Variants in HIVEP2 observed in about 807,000 individuals in gnomAD.
HIVEP2 encodes the protein HIVEP zinc finger 2.
A neutral mutation model predicts 180.7 loss-of-function variants in HIVEP2; 14 were observed. The ratio of observed to expected loss-of-function variants is 0.08; its 90% CI spans 0.05 to 0.12. HIVEP2 has a LOEUF of 0.12. HIVEP2 is among the 10% of genes least tolerant of loss of function. The probability of loss-of-function intolerance (pLI) is 1.00; values close to 1 mark genes in which losing one functional copy is unlikely to be tolerated. For missense variants in HIVEP2, 2,579 were observed against 3,008.5 expected, an observed-to-expected ratio of 0.86 and a Z score of 3.34; for synonymous variants, 1,184 against 1,136.4, an observed-to-expected ratio of 1.04 and a Z score of -0.84.
intron 1 of HIVEP2, among the ~76,000 whole-genome samples, chr6:142,842,490 G>A (rs1164189981): frequency 6.6e-6 from 1 of 152,078 alleles, no homozygotes; most frequent in Non-Finnish European, 1.5e-5. Flanking sequence ...AGACCTGAAC[G>A]TCTGTGTGTA....
Position 142,771,892 on chromosome 6 carries a change from G to A in HIVEP2, c.2847C>T (p.His949=). The change falls in exon 5 of 10, where the codon CAC becomes CAT. Residue 949 remains histidine, a synonymous_variant. Transcript: ENST00000367603. The surrounding 1 kb of genome is among the most constrained non-coding windows in gnomAD (Gnocchi z 5.4). ...ATTCAAAGCTGGACTCCCCTGAGGA[G>A]TGCTCCATATCTGCAAGTCGCAGAC... is the stretch of plus-strand genomic sequence containing the variant. ...KKRLRLADME[H]SSGESSFEST... 5 of 1,614,228 alleles carry A rather than the reference G, an allele frequency of 3.1e-6. No homozygotes were observed. Among genetic ancestry groups the A allele is most frequent in the Non-Finnish European group, 4.2e-6 (5 of 1,180,050 alleles).
intron 1 of HIVEP2, among the ~76,000 whole-genome samples, chr6:142,841,101 C>T (rs1338523081): frequency 3.3e-5 from 5 of 151,850 alleles, no homozygotes; most frequent in African/African-American, 1.2e-4. Context: ...ACTTAAATGA[C>T]CCTTTATGTA....
At chr6:142,900,392 G>A (rs1046272862) in intron 1 of HIVEP2, among the ~76,000 whole-genome samples, 10 of 152,092 alleles carry the variant, frequency 6.6e-5, no homozygotes, top group Admixed American at 5.9e-4. Flanking sequence ...ATCACTCCAC[G>A]CCACCTCACC....
chr6:142,776,585 C>G (rs550710745), intron 3 of HIVEP2, among the ~76,000 whole-genome samples: 8 of 149,566 alleles, frequency 5.3e-5, no homozygotes, highest in Non-Finnish European at 1.0e-4. Context: ...GGCTGGAGTA[C>G]AGTGGTGCAA....
chr6:142,941,129 A>G (rs1415352102), intron 1 of HIVEP2, among the ~76,000 whole-genome samples: 1 of 152,182 alleles, frequency 6.6e-6, no homozygotes, highest in Non-Finnish European at 1.5e-5. Flanking sequence ...AGTGACCCAA[A>G]TATCAGGCAG....
chr6:142,807,726 G>T (rs1776588182), intron 2 of HIVEP2, among the ~76,000 whole-genome samples: 1 of 152,112 alleles, frequency 6.6e-6, no homozygotes, highest in African/African-American at 2.4e-5. Flanking sequence ...GCAATATTGG[G>T]AGGGACTCTA....
intron 1 of HIVEP2, among the ~76,000 whole-genome samples, chr6:142,857,846 C>T (rs986752641): frequency 3.9e-5 from 6 of 152,130 alleles, no homozygotes; most frequent in East Asian, 3.8e-4. Context: ...GCTTCTCCTG[C>T]GGGCGGGGGG....
At chr6:142,936,117 GA>G (rs201849454) in intron 1 of HIVEP2, among the ~76,000 whole-genome samples, 3 of 148,052 alleles carry the variant, frequency 2.0e-5, no homozygotes, top group African/African-American at 7.4e-5. Flanking sequence ...GTCTCAAGAA[GA>G]AAAAAAAAGG....
At chr6:142,810,895 T>A (rs1776681095) in intron 2 of HIVEP2, among the ~76,000 whole-genome samples, 1 of 151,414 alleles carries the variant, frequency 6.6e-6, no homozygotes, top group African/African-American at 2.4e-5. Flanking sequence ...TTGAAAAAAA[T>A]AATCAGTGGA....
intron 1 of HIVEP2, among the ~76,000 whole-genome samples, chr6:142,927,136 T>C (rs1777838978): frequency 6.6e-6 from 1 of 151,962 alleles, no homozygotes; most frequent in South Asian, 2.1e-4. Flanking sequence ...AGAGCTGCTC[T>C]TCCTCCCGGA....
intron 7 of HIVEP2, 45 bp from the exon 8 acceptor site, chr6:142,761,610 A>G (rs1053175404): frequency 2.0e-6 from 2 of 1,013,610 alleles, no homozygotes; most frequent in Middle Eastern, 2.0e-4. Context: ...TTGGTTATCA[A>G]ATTAATAACT....
intron 1 of HIVEP2, among the ~76,000 whole-genome samples, chr6:142,913,963 A>C (rs1383642231): frequency 3.9e-5 from 6 of 152,158 alleles, no homozygotes; most frequent in Non-Finnish European, 5.9e-5. Flanking sequence ...CGCAAAACTC[A>C]GTCAGGTTAG....
chr6:142,758,856 C>A (rs547993331), intron 9 of HIVEP2, among the ~76,000 whole-genome samples: 54 of 152,224 alleles, frequency 3.5e-4, no homozygotes, highest in Admixed American at 1.9e-3. Context: ...TTCCACTGAG[C>A]AAGTGCACTT....
chr6:142,886,299 C>G (rs2128419037), intron 1 of HIVEP2, among the ~76,000 whole-genome samples: 1 of 152,242 alleles, frequency 6.6e-6, no homozygotes, highest in South Asian at 2.1e-4. Context: ...AAGACAAATT[C>G]TGGTTTTTTT....
At chr6:142,761,618 A>T in intron 7 of HIVEP2, 53 bp from the exon 8 acceptor site, 4 of 937,074 alleles carry the variant, frequency 4.3e-6, no homozygotes, top group African/African-American at 1.6e-5. Context: ...CAAATTAATA[A>T]CTGCTGATAG....
In HIVEP2 at chr6:142,762,471, C is replaced by A. The variant is rs942961355; in HGVS notation, c.5519-906G>T. Among the ~76,000 whole-genome samples the A allele has an allele frequency of 3.4e-5, 5 of 145,332 alleles. No individual in the cohort carries two copies. The South Asian group carries it at 6.5e-4, about 19-fold the overall frequency. ...AAGAATGCACACACACACACACACA[C>A]ACACACACACACACACACACACATA... On this transcript the variant is annotated intron_variant, in intron 7 of 9. Transcript: ENST00000367603.
chr6:142,932,032 T>A (rs531615340), intron 1 of HIVEP2, among the ~76,000 whole-genome samples: 13 of 152,322 alleles, frequency 8.5e-5, no homozygotes, highest in African/African-American at 2.9e-4. Context: ...TGCTATCTCC[T>A]GAGTCCTCGG....
At chr6:142,914,842 T>C (rs2128431791) in intron 1 of HIVEP2, among the ~76,000 whole-genome samples, 1 of 152,288 alleles carries the variant, frequency 6.6e-6, no homozygotes, top group African/African-American at 2.4e-5. Flanking sequence ...TTGAATATTT[T>C]TCCAGATGAA....
rs1182285318 is a variant in HIVEP2, at chr6:142,774,350, A to C, written c.389T>G (p.Leu130Trp). ...TAAGTCCTCAGAGGCAACGGATGGC[A>C]AAGGGCCAGGGAAAAGCCACGGAGG... ...EGPPWLFPGPLPSVASEDLFP... is the reference protein window; with the variant it reads ...EGPPWLFPGPWPSVASEDLFP... The change falls in exon 5 of 10, where the codon TTG becomes TGG. Residue 130 changes from leucine (L) to tryptophan (W), a missense_variant. Coordinates refer to ENST00000367603, the MANE Select transcript of HIVEP2 (RefSeq NM_006734.4). This position sits in a 1 kb window ranked among gnomAD's most constrained non-coding sequence, Gnocchi z 5.1. 2 of 1,614,244 alleles carry C rather than the reference A, an allele frequency of 1.2e-6. No individual in the cohort carries two copies. Among genetic ancestry groups the C allele is most frequent in the Admixed American group, 3.3e-5 (2 of 60,034 alleles).
Sources: gnomAD v4.1 joint callset for allele counts (sites outside exome capture counted in the v4.1 genomes callset) on GRCh38, gnomAD v4.1.1 for gene constraint, Gnocchi (gnomAD v3.1) non-coding constraint, MANE v1.5 for transcripts, NCBI Gene and HGNC (gene_info 2026-07-23, HGNC 2026-07-21) for gene names.